The following PRR29 variants were observed in gnomAD, a reference collection of about 807,000 sequenced individuals.
The protein encoded by PRR29 is proline-rich protein 29.
A neutral mutation model predicts 25.1 loss-of-function variants in PRR29; 20 were observed. The observed-to-expected ratio is 0.80, with a 90% CI of 0.56 to 1.16. The LOEUF is 1.16. Among genes scored for constraint, PRR29 ranks in the 50% most tolerant of loss-of-function variants. PRR29 has a pLI of 0.00. For synonymous variants in PRR29, 108 were observed against 102.6 expected (o/e 1.05, Z -0.32); for missense variants, 238 against 246.6 (o/e 0.97, Z 0.23).
intron 3 of PRR29, among the ~76,000 whole-genome samples, chr17:64,000,625 C>G (rs973627721): frequency 2.0e-5 from 3 of 150,764 alleles, no homozygotes; most frequent in Admixed American, 2.0e-4. Flanking sequence ...CACCGCGCCC[C>G]GCCTACACAA....
chr17:64,000,328 C>CTTTTCT (rs1186334995), intron 3 of PRR29, among the ~76,000 whole-genome samples: 3 of 151,948 alleles, frequency 2.0e-5, no homozygotes, highest in Non-Finnish European at 2.9e-5. Flanking sequence ...TTTTTCTTTT[C>CTTTTCT]TTTTCTTTTT....
At position 64,002,719 on chromosome 17, in the gene PRR29, G is replaced by A. The variant is rs763179400; in HGVS notation, c.*958G>A. On this transcript the variant is annotated 3_prime_UTR_variant, in exon 6 of 6. Coordinates refer to ENST00000412177, the MANE Select transcript of PRR29 (RefSeq NM_001164257.2). ...GTCACACTGAGTTCCAGTGACCACC[G>A]TGGTGGTGGCCATGCCACTCATGGT... 50 of 1,597,334 alleles carry A rather than the reference G, an allele frequency of 3.1e-5. No individual in the cohort carries two copies. Among genetic ancestry groups the A allele is most frequent in the Middle Eastern group, 2.2e-4 (1 of 4,502 alleles).
chr17:64,001,971 T>C lies in PRR29; in HGVS notation c.*210T>C. On this transcript the variant is annotated 3_prime_UTR_variant, in exon 6 of 6. Transcript: ENST00000412177. ...TGGACGGGCCGGATCTGTGCTGTTG[T>C]GTAAGAGCTCCCTAGAGCACCACCC... 3.9e-6 allele frequency: 6 copies of C among 1,534,808 alleles called. No homozygotes were observed. Among genetic ancestry groups the C allele is most frequent in the Non-Finnish European group, 4.4e-6 (5 of 1,146,284 alleles).
intron 1 of PRR29, 76 bp downstream of exon 1, chr17:63,998,500 C>T: frequency 1.4e-6 from 2 of 1,406,452 alleles, no homozygotes; most frequent in Non-Finnish European, 1.9e-6. Flanking sequence ...CTGGAGGGGC[C>T]AGATCCTGGA....
rs781316469 is a variant in PRR29, at chr17:64,003,286, C to T, written c.*1525C>T. On this transcript the variant is annotated 3_prime_UTR_variant, in exon 6 of 6. Coordinates refer to ENST00000412177, the MANE Select transcript of PRR29 (RefSeq NM_001164257.2). The stretch of plus-strand genomic sequence containing the variant: ...AGAGCTGAGTGAACTTCATGCCAGG[C>T]TCCCTGTGTGCCGGCCGTCCAGGGT... 1 of 421,532 alleles carries T rather than the reference C, an allele frequency of 2.4e-6. No homozygotes were observed. Among genetic ancestry groups the T allele is most frequent in the Middle Eastern group, 6.8e-4 (1 of 1,476 alleles). 26.1% of individuals were successfully genotyped at this position (421,532 alleles called of 1,614,324 possible). A position where few individuals can be genotyped will look rare whatever the true frequency, so the allele number is the denominator to read the frequency against.
Position 64,001,126 on chromosome 17 carries a change from G to A in PRR29, c.286G>A (p.Glu96Lys), listed in dbSNP as rs1305972063. 6.5e-7 allele frequency: 1 copy of A among 1,537,540 alleles called. No individual in the cohort carries two copies. The highest frequency in any genetic ancestry group is 1.2e-5 in the South Asian group (1 of 84,064). ...VPQEEPEEEE[E>K]EMDVREKGPL... ...ACAGGAAGAGCCTGAGGAGGAGGAG[G>A]AGGAGATGGACGTGCGGGAGAAAGG... The change falls in exon 4 of 6, where the codon GAG becomes AAG. Residue 96 changes from glutamate (E) to lysine (K), a missense_variant. Coordinates refer to ENST00000412177, the MANE Select transcript of PRR29 (RefSeq NM_001164257.2).
intron 2 of PRR29, 22 bp downstream of exon 2, chr17:63,998,804 A>AC: frequency 4.2e-5 from 19 of 452,738 alleles, no homozygotes; most frequent in South Asian, 1.1e-4. Context: ...GGGTCCCCCC[A>AC]CCCCACCCCC....
intron 3 of PRR29, 21 bp from the exon 4 acceptor site, chr17:64,001,063 C>T (rs1202528735): frequency 6.6e-7 from 1 of 1,526,448 alleles, no homozygotes; most frequent in Non-Finnish European, 8.8e-7. Context: ...ATTTCCCCTC[C>T]CTGTTTTGCA....
chr17:64,003,153 G>T lies in PRR29; in HGVS notation c.*1392G>T, dbSNP rs1482507975. ...CAGGCTACCAGCTGGACTTCTGTGT[G>T]GCTGTGAGGGCAGATGTCCCCTTGT... is the stretch of plus-strand genomic sequence containing the variant. On this transcript the variant is annotated 3_prime_UTR_variant, in exon 6 of 6. Coordinates refer to ENST00000412177, the MANE Select transcript of PRR29 (RefSeq NM_001164257.2). 1 of 541,830 alleles carries T rather than the reference G, an allele frequency of 1.8e-6. No individual in the cohort carries two copies. Among genetic ancestry groups the T allele is most frequent in the Non-Finnish European group, 3.3e-6 (1 of 302,052 alleles). 33.6% of individuals were successfully genotyped at this position (541,830 alleles called of 1,614,324 possible). A position where few individuals can be genotyped will look rare whatever the true frequency, so the allele number is the denominator to read the frequency against.
intron 3 of PRR29, chr17:63,999,286 G>C: frequency 1.7e-6 from 1 of 588,552 alleles, no homozygotes; most frequent in Non-Finnish European, 3.0e-6. Context: ...AGACCACCGA[G>C]GTCTTGTTTT....
chr17:63,998,439 C>G lies in PRR29; in HGVS notation c.60+15C>G, dbSNP rs1193324594. On this transcript the variant is annotated intron_variant, in intron 1 of 5. Coordinates refer to ENST00000412177, the MANE Select transcript of PRR29 (RefSeq NM_001164257.2). ...CAGTCCCGACGGTGAGGGCTGAGCC[C>G]GGGAGCAGATCCTGCCTTAGCTTGG... The G allele has an allele frequency of 3.4e-6, 5 of 1,472,586 alleles. No homozygotes were observed. The highest frequency in any genetic ancestry group is 4.5e-6 in the Non-Finnish European group (5 of 1,114,264). The allele number at this position is 1,472,586 out of a possible 1,614,324, so 91.2% of individuals were successfully genotyped here. A position where few individuals can be genotyped will look rare whatever the true frequency, so the allele number is the denominator to read the frequency against.
In PRR29 at chr17:64,003,950, C is replaced by A. The variant is rs1479072902; in HGVS notation, c.*2189C>A. The A allele has an allele frequency of 6.2e-7, 1 of 1,612,186 alleles. No homozygotes were observed. The highest frequency in any genetic ancestry group is 2.2e-5 in the East Asian group (1 of 44,838). On this transcript the variant is annotated 3_prime_UTR_variant, in exon 6 of 6. Transcript: ENST00000412177. Reference sequence around the variant, plus strand: ...AAAGTGGGTTGCAGTGTCAGGATGACCTGCCTTGGAGGCTCTGCAGGGGAC... The same window carrying A: ...AAAGTGGGTTGCAGTGTCAGGATGAACTGCCTTGGAGGCTCTGCAGGGGAC...
At chr17:63,999,315 G>T in intron 3 of PRR29, 1 of 568,794 alleles carries the variant, frequency 1.8e-6, no homozygotes, top group Non-Finnish European at 3.1e-6. Context: ...TTTCCCTGTA[G>T]TGCCTCCCCC....
rs1376895202 is a variant in PRR29, at chr17:64,002,124, C to T, written c.*363C>T. 4.2e-6 allele frequency: 4 copies of T among 949,046 alleles called. No individual in the cohort carries two copies. The highest frequency in any genetic ancestry group is 6.1e-6 in the Non-Finnish European group (4 of 651,182). 58.8% of individuals were successfully genotyped at this position (949,046 alleles called of 1,614,324 possible). ...TCTCTGGGATGATGAGGTCTCCTTC[C>T]AGCCTAGTAATGGAGCAAGAGGGGA... is the stretch of plus-strand genomic sequence containing the variant. On this transcript the variant is annotated 3_prime_UTR_variant, in exon 6 of 6. Transcript: ENST00000412177.
Position 64,003,757 on chromosome 17 carries a change from G to C in PRR29, c.*1996G>C. On this transcript the variant is annotated 3_prime_UTR_variant, in exon 6 of 6. Coordinates refer to ENST00000412177, the MANE Select transcript of PRR29 (RefSeq NM_001164257.2). ...GTTGCGGTGGCCATCCTCTCTGTCA[G>C]CCGTGCTGTTGAATGTGGCTGTGGC... 6.2e-7 allele frequency: 1 copy of C among 1,614,228 alleles called. No homozygotes were observed. Among genetic ancestry groups the C allele is most frequent in the Non-Finnish European group, 8.5e-7 (1 of 1,180,042 alleles).
chr17:64,001,404 G>A (rs1910731371), intron 4 of PRR29, 63 bp from the exon 5 acceptor site: 5 of 1,487,704 alleles, frequency 3.4e-6, no homozygotes, highest in Non-Finnish European at 4.5e-6. Context: ...ATAACTTGTG[G>A]GTGAAACTCC....
At chr17:64,000,265 C>A (rs1910548441) in intron 3 of PRR29, among the ~76,000 whole-genome samples, 1 of 152,216 alleles carries the variant, frequency 6.6e-6, no homozygotes, top group Non-Finnish European at 1.5e-5. Context: ...GTAAATGTCT[C>A]CACAATTTGT....
Position 63,998,789 on chromosome 17 carries a change from C to T in PRR29, c.136+7C>T. 1.3e-6 allele frequency: 2 copies of T among 1,484,024 alleles called. No homozygotes were observed. The highest frequency in any genetic ancestry group is 1.8e-6 in the Non-Finnish European group (2 of 1,101,418). The allele number at this position is 1,484,024 out of a possible 1,614,324, so 91.9% of individuals were successfully genotyped here. A position where few individuals can be genotyped will look rare whatever the true frequency, so the allele number is the denominator to read the frequency against. The stretch of plus-strand genomic sequence containing the variant: ...CCAGGCCGCGTGAAGGAAGGTGAGA[C>T]TCCCGGGTCCCCCCACCCCACCCCC... On this transcript the variant is annotated splice_region_variant and intron_variant, in intron 2 of 5. Coordinates refer to ENST00000412177, the MANE Select transcript of PRR29 (RefSeq NM_001164257.2).
At chr17:63,999,215 G>T (rs1910389728) in intron 3 of PRR29, 141 bp downstream of exon 3, 1 of 679,718 alleles carries the variant, frequency 1.5e-6, no homozygotes, top group Admixed American at 2.6e-5. Flanking sequence ...GGGCTGTTTG[G>T]CATCTGTCAT....
Sources: allele counts gnomAD v4.1 joint callset (sites outside exome capture counted in the v4.1 genomes callset), GRCh38; gene constraint gnomAD v4.1.1; transcripts MANE v1.5; gene names NCBI Gene and HGNC (gene_info 2026-07-23, HGNC 2026-07-21).